KIAA0232: variants seen among roughly 807,000 people sequenced by gnomAD.
KIAA0232 encodes the protein uncharacterized protein KIAA0232.
KIAA0232 carries 27 observed loss-of-function variants against 122.0 expected under a neutral mutation model. That is an observed-to-expected ratio of 0.22 (90% CI 0.16 to 0.31). The LOEUF (loss-of-function observed/expected upper bound fraction) is 0.31. Among genes scored for constraint, KIAA0232 ranks in the 10% least tolerant of loss-of-function variants. The probability of loss-of-function intolerance (pLI) is 1.00; values close to 1 mark genes in which losing one functional copy is unlikely to be tolerated. For synonymous variants in KIAA0232, 613 were observed against 587.6 expected, an observed-to-expected ratio of 1.04 and a Z score of -0.63; for missense variants, 1,551 against 1,634.2, an observed-to-expected ratio of 0.95 and a Z score of 0.88.
intron 3 of KIAA0232, among the ~76,000 whole-genome samples, chr4:6,830,403 C>CTTTTTTTTTTTTTTTTTTTTTT (rs10714574): frequency 1.3e-5 from 1 of 75,528 alleles, no homozygotes; most frequent in African/African-American, 4.7e-5. Flanking sequence ...TCTCTGTTGT[C>CTTTTTTTTTTTTTTTTTTTTTT]TTTTTTTTTT....
intron 2 of KIAA0232, among the ~76,000 whole-genome samples, chr4:6,807,032 G>GTCTGTCTGTCTGTCTGTCTGTCTA (rs750617409): frequency 6.9e-6 from 1 of 145,748 alleles, no homozygotes; most frequent in African/African-American, 2.6e-5. Flanking sequence ...CTGTCTGTCT[G>GTCTGTCTGTCTGTCTGTCTGTCTA]TCTATCTATC....
chr4:6,843,062 T>C (rs908471082), intron 4 of KIAA0232, among the ~76,000 whole-genome samples: 1 of 152,240 alleles, frequency 6.6e-6, no homozygotes. Flanking sequence ...ATTACAATAT[T>C]ATTTTATTCT....
chr4:6,825,593 GAA>G lies in KIAA0232; in HGVS notation c.231+911_231+912del, dbSNP rs35781638. Among the ~76,000 whole-genome samples the G allele has an allele frequency of 1.1e-4, 17 of 152,020 alleles. No homozygotes were observed. In the East Asian group the frequency reaches 2.5e-3, roughly 22 times the overall value. On this transcript the variant is annotated intron_variant, in intron 3 of 9. Coordinates refer to ENST00000307659, the MANE Select transcript of KIAA0232 (RefSeq NM_014743.3). ...TACACGAGAGAGAGAGAGAGAGAGAGAAAGAGAAAGCAAGAGAAACCAAATAC... is the reference window on the plus strand; with the variant it reads ...TACACGAGAGAGAGAGAGAGAGAGAGAGAGAAAGCAAGAGAAACCAAATAC...
chr4:6,825,410 C>G (rs188368337), intron 3 of KIAA0232, among the ~76,000 whole-genome samples: 3 of 152,150 alleles, frequency 2.0e-5, no homozygotes, highest in Non-Finnish European at 2.9e-5. Flanking sequence ...ATTAGCCAGG[C>G]ATGGTAGCAT....
chr4:6,792,988 T>A (rs546240675), intron 1 of KIAA0232, among the ~76,000 whole-genome samples: 1 of 152,196 alleles, frequency 6.6e-6, no homozygotes, highest in Non-Finnish European at 1.5e-5. Context: ...GCTCGGCCAT[T>A]CTTAGTTATT....
intron 4 of KIAA0232, among the ~76,000 whole-genome samples, chr4:6,850,817 A>G (rs2108766133): frequency 6.6e-6 from 1 of 152,124 alleles, no homozygotes; most frequent in East Asian, 1.9e-4. Flanking sequence ...CTACAGGCAC[A>G]TGCCACCACG....
At chr4:6,877,858 A>G (rs1721837994) in intron 9 of KIAA0232, among the ~76,000 whole-genome samples, 1 of 152,140 alleles carries the variant, frequency 6.6e-6, no homozygotes, top group African/African-American at 2.4e-5. Flanking sequence ...CTTTAATCCA[A>G]TCAAGTTGAC....
At chr4:6,820,392 T>A (rs1718365509) in intron 2 of KIAA0232, among the ~76,000 whole-genome samples, 1 of 152,240 alleles carries the variant, frequency 6.6e-6, no homozygotes, top group South Asian at 2.1e-4. Flanking sequence ...GTGGAAAAAA[T>A]TAAGTGGAGG....
intron 2 of KIAA0232, among the ~76,000 whole-genome samples, chr4:6,821,686 A>ATGTG (rs55875976): frequency 6.7e-6 from 1 of 150,006 alleles, no homozygotes; most frequent in South Asian, 2.1e-4. Flanking sequence ...ACATGTATAT[A>ATGTG]TGTGTGTGTG....
Position 6,882,841 on chromosome 4 carries a change from G to A in KIAA0232, c.*1875G>A, listed in dbSNP as rs1328847201. ...AAATTCCTCATATCACTACAGTGACGATTATTCTAGAAATCGTTGCTTGTG... is the reference window on the plus strand; with the variant it reads ...AAATTCCTCATATCACTACAGTGACAATTATTCTAGAAATCGTTGCTTGTG... On this transcript the variant is annotated 3_prime_UTR_variant, in exon 10 of 10. Transcript: ENST00000307659. The A allele has an allele frequency of 6.6e-6, 1 of 152,634 alleles. No individual in the cohort carries two copies. The highest frequency in any genetic ancestry group is 2.4e-5 in the African/African-American group (1 of 41,456). The allele number at this position is 152,634 out of a possible 1,614,324, so 9.5% of individuals were successfully genotyped here.
intron 9 of KIAA0232, among the ~76,000 whole-genome samples, chr4:6,877,998 C>G (rs190097048): frequency 6.6e-6 from 1 of 152,210 alleles, no homozygotes; most frequent in African/African-American, 2.4e-5. Flanking sequence ...AGCTATGCTT[C>G]ATACAACCGG....
At chr4:6,822,885 G>A (rs1322619994) in intron 2 of KIAA0232, among the ~76,000 whole-genome samples, 4 of 146,852 alleles carry the variant, frequency 2.7e-5, no homozygotes, top group Non-Finnish European at 4.5e-5. Context: ...CCACTAACTC[G>A]TCATCTAGCA....
intron 3 of KIAA0232, among the ~76,000 whole-genome samples, chr4:6,825,156 A>G (rs971467535): frequency 6.6e-6 from 1 of 152,196 alleles, no homozygotes; most frequent in Non-Finnish European, 1.5e-5. Context: ...AAATCAGTAG[A>G]CTTAAAGTTC....
chr4:6,818,411 A>G (rs1394358237), intron 2 of KIAA0232, among the ~76,000 whole-genome samples: 2 of 151,694 alleles, frequency 1.3e-5, no homozygotes, highest in African/African-American at 2.4e-5. Context: ...AAAAAAAAAA[A>G]AAAAAAAGAA....
intron 2 of KIAA0232, among the ~76,000 whole-genome samples, chr4:6,823,402 A>G (rs1411765473): frequency 6.6e-6 from 1 of 152,188 alleles, no homozygotes; most frequent in Admixed American, 6.5e-5. Flanking sequence ...CCAACAGTGT[A>G]AGAAGTGTTC....
At chr4:6,835,183 G>C (rs989887121) in intron 3 of KIAA0232, among the ~76,000 whole-genome samples, 1 of 152,182 alleles carries the variant, frequency 6.6e-6, no homozygotes, top group Non-Finnish European at 1.5e-5. Flanking sequence ...TCAGGAAGTA[G>C]CTAGGCTTAT....
intron 3 of KIAA0232, among the ~76,000 whole-genome samples, chr4:6,827,313 G>A (rs1403534600): frequency 6.6e-6 from 1 of 152,184 alleles, no homozygotes; most frequent in Non-Finnish European, 1.5e-5. Flanking sequence ...GGTTTCCCCA[G>A]GCAGAGAGGA....
At chr4:6,853,421 C>G (rs1360003091) in intron 4 of KIAA0232, among the ~76,000 whole-genome samples, 1 of 152,184 alleles carries the variant, frequency 6.6e-6, no homozygotes, top group Non-Finnish European at 1.5e-5. Context: ...GTCCATAATA[C>G]TAGCACCCTT....
intron 4 of KIAA0232, among the ~76,000 whole-genome samples, chr4:6,852,613 A>G (rs1720351256): frequency 1.3e-5 from 2 of 152,202 alleles, no homozygotes; most frequent in South Asian, 4.1e-4. Flanking sequence ...GGAGTGTTTG[A>G]AAGCCTGTGC....
Sources: gnomAD v4.1 joint callset for allele counts (sites outside exome capture counted in the v4.1 genomes callset) on GRCh38, gnomAD v4.1.1 for gene constraint, MANE v1.5 for transcripts, NCBI Gene and HGNC (gene_info 2026-07-23, HGNC 2026-07-21) for gene names.